CACNB4: variants seen among roughly 807,000 people sequenced by gnomAD.
CACNB4 encodes voltage-dependent L-type calcium channel subunit beta-4.
CACNB4 carries 32 observed loss-of-function variants against 71.2 expected under a neutral mutation model. That is an observed-to-expected ratio of 0.45 (90% CI 0.34 to 0.60). The LOEUF (loss-of-function observed/expected upper bound fraction) is 0.60, where lower values mean the gene tolerates loss of function less well. CACNB4 is among the 20% of genes least tolerant of loss of function. The pLI, the probability that CACNB4 is intolerant of heterozygous loss-of-function variation, is 0.01. For synonymous variants in CACNB4, 231 were observed against 236.9 expected (o/e 0.97, Z 0.23); for missense variants, 464 against 647.9 (o/e 0.72, Z 3.08).
chr2:152,056,132 G>A (rs556154973), intron 2 of CACNB4, among the ~76,000 whole-genome samples: 1 of 152,236 alleles, frequency 6.6e-6, no homozygotes, highest in East Asian at 1.9e-4. Flanking sequence ...GGAGGCCAAG[G>A]CAGATGGATC....
At chr2:152,001,603 C>T (rs1306370835) in intron 2 of CACNB4, among the ~76,000 whole-genome samples, 2 of 145,956 alleles carry the variant, frequency 1.4e-5, no homozygotes, top group Admixed American at 6.8e-5. Flanking sequence ...ATCCCAACTA[C>T]TCAGGAGGCT....
chr2:151,834,005 A>T lies in CACNB4; in HGVS notation c.*5114T>A, dbSNP rs1416049473. ...ATAGCGTTAATGATCCCGCCTCTTT[A>T]TTACATCCCTTATGCATACAGAATT... On this transcript the variant is annotated 3_prime_UTR_variant, in exon 14 of 14. Transcript: ENST00000539935. The T allele has an allele frequency of 6.6e-6, 1 of 152,080 alleles. No individual in the cohort carries two copies. Among genetic ancestry groups the T allele is most frequent in the Non-Finnish European group, 1.5e-5 (1 of 67,928 alleles). The allele number at this position is 152,080 out of a possible 1,614,324, so 9.4% of individuals were successfully genotyped here.
chr2:151,874,996 G>A, intron 5 of CACNB4: 1 of 400,808 alleles, frequency 2.5e-6, no homozygotes, highest in Non-Finnish European at 4.4e-6. Flanking sequence ...TACTATCAGT[G>A]CCGGGACCTG....
chr2:151,976,433 T>C (rs2151743111), intron 2 of CACNB4, among the ~76,000 whole-genome samples: 1 of 152,304 alleles, frequency 6.6e-6, no homozygotes, highest in East Asian at 1.9e-4. Flanking sequence ...TTTGGTGAAA[T>C]AGAGAGAAGT....
chr2:151,950,400 A>G (rs2099866633), intron 2 of CACNB4, among the ~76,000 whole-genome samples: 1 of 152,212 alleles, frequency 6.6e-6, no homozygotes, highest in Admixed American at 6.5e-5. Context: ...GGCCCTATGG[A>G]AAGTCTTCTG....
Position 152,049,121 on chromosome 2 carries a change from A to G in CACNB4, c.147+49209T>C, listed in dbSNP as rs182951411. On this transcript the variant is annotated intron_variant, in intron 2 of 13. Transcript: ENST00000539935. ...CCCATCATAACTTGTTTTCCTGTTC[A>G]TACCTTGATACCATTCTCTCCCCCA... 4.0e-5 allele frequency among the ~76,000 whole-genome samples: 6 copies of G among 151,516 alleles called. No homozygotes were observed. The East Asian group carries it at 1.2e-3, about 29-fold the overall frequency.
In CACNB4 at chr2:151,862,503, G is replaced by A. The variant is rs189895682; in HGVS notation, c.759-1683C>T. 5.3e-5 allele frequency among the ~76,000 whole-genome samples: 8 copies of A among 152,080 alleles called. No individual in the cohort carries two copies. The East Asian group carries it at 9.7e-4, about 18-fold the overall frequency. ...TGATGCATCTTCAAAATTGTCTCCC[G>A]CAGAAACCAAGAGTTTTTGCAGATA... On this transcript the variant is annotated intron_variant, in intron 9 of 13. Coordinates refer to ENST00000539935, the MANE Select transcript of CACNB4 (RefSeq NM_000726.5).
At chr2:151,999,616 G>A (rs1682281830) in intron 2 of CACNB4, among the ~76,000 whole-genome samples, 1 of 152,160 alleles carries the variant, frequency 6.6e-6, no homozygotes, top group Non-Finnish European at 1.5e-5. Context: ...CTGACGCACA[G>A]CCAGAGCCGA....
chr2:152,072,580 C>G (rs73000941), intron 2 of CACNB4, among the ~76,000 whole-genome samples: 2,057 of 152,030 alleles, frequency 0.014, 48 homozygotes, highest in African/African-American at 0.047. Context: ...GGTAATATCT[C>G]AAACAAGGCT....
At chr2:151,955,951 CAAAGTCTAT>C (rs1560064806) in intron 2 of CACNB4, among the ~76,000 whole-genome samples, 1 of 151,516 alleles carries the variant, frequency 6.6e-6, no homozygotes, top group African/African-American at 2.4e-5. Flanking sequence ...TTGAGCAATT[CAAAGTCTAT>C]AAAGTCTATA....
intron 2 of CACNB4, among the ~76,000 whole-genome samples, chr2:152,031,873 C>A (rs1035619163): frequency 1.3e-5 from 2 of 152,174 alleles, no homozygotes; most frequent in Admixed American, 6.5e-5. Context: ...ACTGCCCTTT[C>A]TGTTGGCATT....
Position 151,858,101 on chromosome 2 carries a change from A to G in CACNB4, c.868+2610T>C, listed in dbSNP as rs897127672. 5 of 152,242 alleles carry G rather than the reference A, an allele frequency of 3.3e-5. No homozygotes were observed. In the East Asian group the frequency reaches 5.8e-4, roughly 18 times the overall value. The allele number at this position is 152,242 out of a possible 1,614,324, so 9.4% of individuals were successfully genotyped here. A position where few individuals can be genotyped will look rare whatever the true frequency, so the allele number is the denominator to read the frequency against. ...TTTTAAAGAAAAAGATCTCAACCAAATCAAAAAATCTTGGCTACCTGGACT... is the reference window on the plus strand; with the variant it reads ...TTTTAAAGAAAAAGATCTCAACCAAGTCAAAAAATCTTGGCTACCTGGACT... On this transcript the variant is annotated intron_variant, in intron 10 of 13. Transcript: ENST00000539935.
At chr2:151,987,038 CA>C (rs1681409053) in intron 2 of CACNB4, among the ~76,000 whole-genome samples, 1 of 152,130 alleles carries the variant, frequency 6.6e-6, no homozygotes, top group African/African-American at 2.4e-5. Flanking sequence ...GGGTCAAATG[CA>C]AAGAGGAAAC....
In CACNB4 at chr2:151,941,550, G is replaced by A. The variant is rs539534161; in HGVS notation, c.148-58180C>T. On this transcript the variant is annotated intron_variant, in intron 2 of 13. Transcript: ENST00000539935. ...GCCTACCTCAGCCTCCCAAAGTGCT[G>A]GGATTACAGGCATGAGCCACCGTGC... 1.3e-4 allele frequency among the ~76,000 whole-genome samples: 20 copies of A among 151,974 alleles called. No homozygotes were observed. In the East Asian group the frequency reaches 3.9e-3, roughly 29 times the overall value.
intron 2 of CACNB4, among the ~76,000 whole-genome samples, chr2:151,928,839 G>A (rs192257425): frequency 6.6e-6 from 1 of 151,802 alleles, no homozygotes; most frequent in Non-Finnish European, 1.5e-5. Flanking sequence ...TTGAACCTGG[G>A]AGGCAGAGGT....
At chr2:151,959,150 G>A (rs2099869020) in intron 2 of CACNB4, among the ~76,000 whole-genome samples, 1 of 152,146 alleles carries the variant, frequency 6.6e-6, no homozygotes, top group Non-Finnish European at 1.5e-5. Flanking sequence ...ATAGGATAAT[G>A]GACACTTTTT....
At chr2:151,887,892 C>G (rs1036778130) in intron 2 of CACNB4, among the ~76,000 whole-genome samples, 1 of 152,068 alleles carries the variant, frequency 6.6e-6, no homozygotes. Context: ...GGTTTGGCAG[C>G]TTTTTCACAT....
intron 2 of CACNB4, among the ~76,000 whole-genome samples, chr2:151,914,297 C>T (rs143785714): frequency 0.1 from 15,300 of 152,094 alleles, 1,569 homozygotes; most frequent in East Asian, 0.55. Context: ...ACCAAGTTCT[C>T]GTGCTGTGTT....
chr2:152,068,629 C>T (rs1686483785), intron 2 of CACNB4, among the ~76,000 whole-genome samples: 1 of 152,152 alleles, frequency 6.6e-6, no homozygotes, highest in Admixed American at 6.6e-5. Context: ...TCCTAACACC[C>T]AGATGGAATG....
Sources: allele counts gnomAD v4.1 joint callset (sites outside exome capture counted in the v4.1 genomes callset), GRCh38; gene constraint gnomAD v4.1.1; transcripts MANE v1.5; gene names NCBI Gene and HGNC (gene_info 2026-07-23, HGNC 2026-07-21).